Variants in SMG5 observed in about 807,000 individuals in gnomAD.
The protein encoded by SMG5 is nonsense-mediated mRNA decay factor SMG5.
A neutral mutation model predicts 122.9 loss-of-function variants in SMG5; 53 were observed. The ratio of observed to expected loss-of-function variants is 0.43; its 90% confidence interval spans 0.35 to 0.54. SMG5 has a LOEUF of 0.54. Ranked by LOEUF, SMG5 falls within the 20% of genes least tolerant of loss-of-function variation. The pLI is 0.01. For missense variants in SMG5, 1,153 were observed against 1,285.6 expected (o/e 0.90, Z 1.58); for synonymous variants, 477 against 490.2 (o/e 0.97, Z 0.35).
chr1:156,254,752 G>C (rs768829110), intron 16 of SMG5, among the ~76,000 whole-genome samples: 5 of 151,964 alleles, frequency 3.3e-5, no homozygotes, highest in Non-Finnish European at 5.9e-5. Flanking sequence ...GCCCACTGAA[G>C]ACTCTTTGAT....
At chr1:156,285,669 G>C (rs541262330), upstream of SMG5, 1 of 1,613,754 alleles carries the variant, frequency 6.2e-7, no homozygotes, top group African/African-American at 1.3e-5. Context: ...CTTATCGTGC[G>C]CTGTGAGGCA....
the SMG5 span, chr1:156,291,432 T>TC: frequency 1.2e-6 from 2 of 1,614,068 alleles, no homozygotes; most frequent in African/African-American, 2.7e-5. Context: ...TTCCGAGGCT[T>TC]CGGCTACGGC....
chr1:156,266,758 C>T (rs2103228869), intron 10 of SMG5, 80 bp from the exon 11 acceptor site: 1 of 1,439,272 alleles, frequency 6.9e-7, no homozygotes, highest in East Asian at 2.3e-5. Context: ...CACATCTCAT[C>T]TGTTCTCAAC....
At chr1:156,261,664 G>C in intron 13 of SMG5, among the ~76,000 whole-genome samples, 1 of 152,150 alleles carries the variant, frequency 6.6e-6, no homozygotes, top group East Asian at 1.9e-4. Flanking sequence ...AAGGTAGGCG[G>C]ATCACCTGAG....
At chr1:156,288,997 T>C in the SMG5 span, among the ~76,000 whole-genome samples, 1 of 152,214 alleles carries the variant, frequency 6.6e-6, no homozygotes, top group Non-Finnish European at 1.5e-5. Context: ...GGAAGAGAGT[T>C]GCTCAGGTCA....
intron 11 of SMG5, 41 bp downstream of exon 11, chr1:156,266,500 C>A: frequency 6.2e-7 from 1 of 1,613,534 alleles, no homozygotes; most frequent in Non-Finnish European, 8.5e-7. Context: ...CCATGCCCCA[C>A]ACCAACCTTT....
chr1:156,266,197 G>C lies in SMG5; in HGVS notation c.1439C>G (p.Ser480Trp). ...CCGGGCTGAGTCATGGCTTGAGTCC[G>C]ATTCAAAGCCTTCACTCAGGTCACT... ...DDSDLSEGFESDSSHDSARAS... is the reference protein window; with the variant it reads ...DDSDLSEGFEWDSSHDSARAS... Residue 480 changes from serine to tryptophan, a missense_variant, in exon 12 of 22, where the codon TCG becomes TGG. Physicochemically the swap from Ser to Trp is radical, Grantham distance 177. Transcript: ENST00000361813. The C allele has an allele frequency of 6.2e-7, 1 of 1,614,214 alleles. No homozygotes were observed. Among genetic ancestry groups the C allele is most frequent in the Non-Finnish European group, 8.5e-7 (1 of 1,180,046 alleles).
rs543030381 is a variant in SMG5 at position 156,253,301 on chromosome 1, G to T, written c.2502+148C>A. The stretch of plus-strand genomic sequence containing the variant: ...GGAGGCAAATGGCTGAGTGAAGAGT[G>T]AGTAGTAAGGAGGGTCATCTGGGAG... On this transcript the variant is annotated intron_variant, in intron 17 of 21. Transcript: ENST00000361813. The T allele has an allele frequency of 3.3e-6, 3 of 910,346 alleles. No homozygotes were observed. The South Asian group carries it at 4.3e-5, about 13-fold the overall frequency. The allele number at this position is 910,346 out of a possible 1,614,324, so 56.4% of individuals were successfully genotyped here.
rs748681466 is a variant in SMG5, at chr1:156,266,346, C to G, written c.1290G>C (p.Glu430Asp). 6.2e-7 allele frequency: 1 copy of G among 1,613,950 alleles called. No homozygotes were observed. Among genetic ancestry groups the G allele is most frequent in the East Asian group, 2.2e-5 (1 of 44,884 alleles). ...EPESKEPVEK[E>D]EEPDPEPPPV... is the part of the protein sequence containing the mutation. ...GAGGAGGCTCAGGATCTGGCTCCTC[C>G]TCTTTCTCCACAGGTTCCTTGGACT... Residue 430 changes from glutamate (E) to aspartate (D), a missense_variant, in exon 12 of 22, where the codon GAG becomes GAC. By Grantham distance (45) the Glu-to-Asp change is conservative (BLOSUM62 2). Transcript: ENST00000361813.
intron 9 of SMG5, 98 bp downstream of exon 9, chr1:156,268,017 G>T: frequency 8.0e-7 from 1 of 1,249,686 alleles, no homozygotes; most frequent in Non-Finnish European, 1.1e-6. Context: ...TCAAACTGAG[G>T]GCAGAACTCG....
intron 14 of SMG5, 117 bp downstream of exon 14, chr1:156,261,216 G>A: frequency 2.2e-6 from 2 of 928,656 alleles, no homozygotes; most frequent in Admixed American, 1.8e-5. Flanking sequence ...TAGGGAGGCT[G>A]GCAGTGAATC....
rs752957761 is a variant in SMG5, at chr1:156,273,459, G to C, written c.545-9C>G. The stretch of plus-strand genomic sequence containing the variant: ...TTCATTCTGATATCGGGCTGCACAA[G>C]AGAGAAAACGAAGGGAAACTCGATG... On this transcript the variant is annotated splice_polypyrimidine_tract_variant and intron_variant, in intron 5 of 21. Coordinates refer to ENST00000361813, the MANE Select transcript of SMG5 (RefSeq NM_015327.3). The C allele has an allele frequency of 7.4e-6, 12 of 1,612,898 alleles. 1 individual carries two copies. In the South Asian group the frequency reaches 1.2e-4, roughly 16 times the overall value.
rs1661959560 is a variant in SMG5 at position 156,263,503 on chromosome 1, G to A, written c.1923C>T (p.Ser641=). ...TCAGGACCTGAAGCTTCTCCTGGATGCTGCGCTCATTCCGACAGGAGCGTC... is the reference window on the plus strand; with the variant it reads ...TCAGGACCTGAAGCTTCTCCTGGATACTGCGCTCATTCCGACAGGAGCGTC... ...SSGRSCRNER[S]IQEKLQVLMA... is the part of the protein sequence containing the mutation. The change falls in exon 13 of 22, where the codon AGC becomes AGT. Residue 641 remains serine, a synonymous_variant. Coordinates refer to ENST00000361813, the MANE Select transcript of SMG5 (RefSeq NM_015327.3). The A allele has an allele frequency of 6.2e-7, 1 of 1,614,118 alleles. No homozygotes were observed. The highest frequency in any genetic ancestry group is 1.3e-5 in the African/African-American group (1 of 74,932).
intron 13 of SMG5, among the ~76,000 whole-genome samples, chr1:156,262,454 C>T (rs996981506): frequency 3.8e-5 from 5 of 131,886 alleles, no homozygotes; most frequent in South Asian, 2.4e-4. Flanking sequence ...CCAGCCTGGG[C>T]GACAGAGCCA....
At chr1:156,253,862 C>A in intron 16 of SMG5, 1 of 325,898 alleles carries the variant, frequency 3.1e-6, no homozygotes, top group South Asian at 3.0e-5. Flanking sequence ...TACCCATGCA[C>A]TTCCTCACCT....
At chr1:156,252,082 C>G (rs1269993385) in intron 19 of SMG5, among the ~76,000 whole-genome samples, 1 of 152,188 alleles carries the variant, frequency 6.6e-6, no homozygotes, top group Non-Finnish European at 1.5e-5. Flanking sequence ...GGAGAAATTC[C>G]TATAAAGGAG....
chr1:156,272,273 A>G, intron 7 of SMG5, 47 bp downstream of exon 7: 1 of 1,522,594 alleles, frequency 6.6e-7, no homozygotes, highest in Non-Finnish European at 9.0e-7. Context: ...AGCCAAAATA[A>G]TATGCACACA....
intron 16 of SMG5, among the ~76,000 whole-genome samples, chr1:156,255,859 T>C (rs1661556068): frequency 6.6e-6 from 1 of 152,132 alleles, no homozygotes; most frequent in Non-Finnish European, 1.5e-5. Flanking sequence ...GCTATGGTCA[T>C]GCCACTGCAC....
chr1:156,267,770 G>A, intron 9 of SMG5, 92 bp from the exon 10 acceptor site: 1 of 1,151,814 alleles, frequency 8.7e-7, no homozygotes, highest in Non-Finnish European at 1.2e-6. Context: ...AAGGACTATG[G>A]GATGCTGCAG....
Sources: allele counts gnomAD v4.1 joint callset (sites outside exome capture counted in the v4.1 genomes callset), GRCh38; gene constraint gnomAD v4.1.1; transcripts MANE v1.5; gene names NCBI Gene and HGNC (gene_info 2026-07-23, HGNC 2026-07-21).